Variants in CDH2 observed in about 807,000 individuals in gnomAD.
The protein encoded by CDH2 is cadherin 2.
In CDH2, 17 loss-of-function variants were observed where a neutral mutation model predicts 92.0. The observed-to-expected ratio is 0.18, with a 90% CI of 0.13 to 0.28. CDH2 has a LOEUF of 0.28. Ranked by LOEUF, CDH2 falls within the 10% of genes least tolerant of loss-of-function variation. The probability of loss-of-function intolerance (pLI) is 1.00; values close to 1 mark genes in which losing one functional copy is unlikely to be tolerated. For synonymous variants in CDH2, 419 were observed against 415.9 expected (o/e 1.01, Z -0.09); for missense variants, 862 against 1,133.1 (o/e 0.76, Z 3.44).
chr18:28,118,702 G>C (rs549042154), intron 2 of CDH2, among the ~76,000 whole-genome samples: 1 of 151,964 alleles, frequency 6.6e-6, no homozygotes, highest in Non-Finnish European at 1.5e-5. Context: ...GTGCACCTAA[G>C]GAAGGAAGAC....
rs189810583 is a variant in CDH2 at position 27,972,880 on chromosome 18, G to A, written c.2350-9359C>T. 2.1e-3 allele frequency among the ~76,000 whole-genome samples: 326 copies of A among 152,306 alleles called. 4 individuals are homozygous for A. Among genetic ancestry groups the A allele is most frequent in the Non-Finnish European group, 1.4e-3 (93 of 68,016 alleles). On this transcript the variant is annotated intron_variant, in intron 14 of 15. Transcript: ENST00000269141. ...GAATGCTGTGGGGGCACAGAGCAGA[G>A]AAACTTGATTTAGCCTGGGACTCTA...
At chr18:28,106,081 C>T (rs1175667547) in intron 2 of CDH2, among the ~76,000 whole-genome samples, 2 of 152,158 alleles carry the variant, frequency 1.3e-5, no homozygotes, top group Non-Finnish European at 2.9e-5. Context: ...ATTTTAATAT[C>T]CTGCCAGTAG....
chr18:27,933,685 C>T (rs1598973350), intron 6 of CDH2, among the ~76,000 whole-genome samples: 1 of 152,138 alleles, frequency 6.6e-6, no homozygotes, highest in Non-Finnish European at 1.5e-5. Flanking sequence ...AATTCTAACC[C>T]GTTTCGGATG....
intron 2 of CDH2, among the ~76,000 whole-genome samples, chr18:28,064,425 C>G (rs2014466381): frequency 6.6e-6 from 1 of 152,094 alleles, no homozygotes. Context: ...ACCACCACAC[C>G]TGGCATCCTC....
At chr18:27,947,663 A>T (rs1199630595), downstream of CDH2, among the ~76,000 whole-genome samples, 1 of 151,806 alleles carries the variant, frequency 6.6e-6, no homozygotes, top group Non-Finnish European at 1.5e-5. Flanking sequence ...ATATAAGTAT[A>T]TGTGATATAA....
At chr18:28,054,832 A>T (rs954077375) in intron 2 of CDH2, among the ~76,000 whole-genome samples, 4 of 152,194 alleles carry the variant, frequency 2.6e-5, no homozygotes, top group Non-Finnish European at 5.9e-5. Flanking sequence ...TTCTTGTCAT[A>T]ATCTTTGCTA....
At chr18:28,022,190 A>AT (rs552778598) in intron 2 of CDH2, among the ~76,000 whole-genome samples, 60 of 150,380 alleles carry the variant, frequency 4.0e-4, no homozygotes, top group South Asian at 1.5e-3. Context: ...TACAGGAATG[A>AT]TTTTTTTTTT....
chr18:27,935,244 T>C (rs1320549748), intron 6 of CDH2, among the ~76,000 whole-genome samples: 2 of 152,172 alleles, frequency 1.3e-5, no homozygotes, highest in African/African-American at 4.8e-5. Context: ...CTTCAGGCTG[T>C]AGAGGCTTCT....
downstream of CDH2, among the ~76,000 whole-genome samples, chr18:27,946,137 C>T (rs1909262454): frequency 6.6e-6 from 1 of 152,134 alleles, no homozygotes; most frequent in Non-Finnish European, 1.5e-5. Flanking sequence ...ATCCAAAAAG[C>T]TCATGGGAAA....
At chr18:28,156,122 C>T (rs1370352130) in intron 1 of CDH2, among the ~76,000 whole-genome samples, 2 of 152,134 alleles carry the variant, frequency 1.3e-5, no homozygotes, top group Non-Finnish European at 2.9e-5. Context: ...CACACATTTG[C>T]CCCATCTGAC....
At chr18:28,055,252 G>A (rs1376329998) in intron 2 of CDH2, among the ~76,000 whole-genome samples, 1 of 152,114 alleles carries the variant, frequency 6.6e-6, no homozygotes, top group African/African-American at 2.4e-5. Context: ...ACAGTGTGGG[G>A]AAACTGCCTC....
chr18:28,027,498 G>A (rs570066321), intron 2 of CDH2, among the ~76,000 whole-genome samples: 15 of 151,788 alleles, frequency 9.9e-5, no homozygotes, highest in Admixed American at 5.3e-4. Context: ...AAGAAATAAC[G>A]TGCTATGTTA....
chr18:28,021,270 T>C (rs571995802), intron 2 of CDH2, among the ~76,000 whole-genome samples: 2 of 152,110 alleles, frequency 1.3e-5, no homozygotes, highest in East Asian at 3.9e-4. Flanking sequence ...AAATTTGGCT[T>C]GAACATCTTT....
intron 2 of CDH2, among the ~76,000 whole-genome samples, chr18:28,129,706 G>T (rs771787766): frequency 1.3e-5 from 2 of 152,100 alleles, no homozygotes; most frequent in Non-Finnish European, 2.9e-5. Flanking sequence ...TTGCATGTCT[G>T]TAGTCTCAGC....
chr18:28,002,184 C>T (rs1229532068), intron 7 of CDH2, among the ~76,000 whole-genome samples: 4 of 152,072 alleles, frequency 2.6e-5, no homozygotes, highest in Non-Finnish European at 5.9e-5. Flanking sequence ...GAATCAGAAC[C>T]GGAAGAACTA....
intron 2 of CDH2, among the ~76,000 whole-genome samples, chr18:28,077,474 T>C (rs2014742153): frequency 6.6e-6 from 1 of 152,246 alleles, no homozygotes; most frequent in African/African-American, 2.4e-5. Flanking sequence ...AAGGCATCTG[T>C]CAGTGTGGTC....
chr18:27,966,455 A>C (rs184028374), intron 14 of CDH2, among the ~76,000 whole-genome samples: 17 of 152,348 alleles, frequency 1.1e-4, no homozygotes, highest in Non-Finnish European at 2.5e-4. Flanking sequence ...GGGAAGAGCC[A>C]TTCTACTCTG....
intron 2 of CDH2, among the ~76,000 whole-genome samples, chr18:28,026,252 T>C (rs2013550649): frequency 1.3e-5 from 2 of 152,148 alleles, no homozygotes; most frequent in Non-Finnish European, 2.9e-5. Context: ...AGGCACTGAT[T>C]TGCCCATCAA....
chr18:27,938,467 T>C (rs559711904), intron 6 of CDH2, among the ~76,000 whole-genome samples: 1 of 152,314 alleles, frequency 6.6e-6, no homozygotes, highest in South Asian at 2.1e-4. Context: ...AGATAATTCT[T>C]ATCTCTGACA....
Sources: allele counts gnomAD v4.1 joint callset (sites outside exome capture counted in the v4.1 genomes callset), GRCh38; gene constraint gnomAD v4.1.1; transcripts MANE v1.5; gene names NCBI Gene and HGNC (gene_info 2026-07-23, HGNC 2026-07-21).